The following TEX14 variants were observed in gnomAD, a reference collection of about 807,000 sequenced individuals.
The protein encoded by TEX14 is testis expressed 14, intercellular bridge forming factor.
Under a neutral mutation model 178.6 loss-of-function variants are expected in TEX14, and 168 were observed. The ratio of observed to expected loss-of-function variants is 0.94; its 90% confidence interval spans 0.83 to 1.07. TEX14 has a LOEUF of 1.07. Among genes scored for constraint, TEX14 ranks in the 50% least tolerant of loss-of-function variants. TEX14 has a pLI of 0.00. For missense variants in TEX14, 1,730 were observed against 1,753.6 expected (o/e 0.99, Z 0.24); for synonymous variants, 626 against 634.1 (o/e 0.99, Z 0.19).
At chr17:58,628,922 A>G (rs115745205) in intron 3 of TEX14, among the ~76,000 whole-genome samples, 3,533 of 152,086 alleles carry the variant, frequency 0.023, 139 homozygotes, top group African/African-American at 0.08. Context: ...TCCAATATCA[A>G]TAATTTAAGC....
At chr17:58,577,489 ATTT>A in intron 20 of TEX14, 33 bp from the exon 21 acceptor site, 1 of 751,986 alleles carries the variant, frequency 1.3e-6, no homozygotes, top group Non-Finnish European at 1.9e-6. Context: ...ATATATATAT[ATTT>A]TTTTTTACTG....
chr17:58,631,411 C>A (rs1187150219), intron 2 of TEX14, among the ~76,000 whole-genome samples: 3 of 152,184 alleles, frequency 2.0e-5, no homozygotes, highest in South Asian at 4.2e-4. Context: ...CGAAATTGTG[C>A]CATTGCACTC....
intron 1 of TEX14, among the ~76,000 whole-genome samples, chr17:58,675,082 G>A (rs1440187185): frequency 6.6e-6 from 1 of 151,710 alleles, no homozygotes; most frequent in Non-Finnish European, 1.5e-5. Flanking sequence ...GGAGGTGGAA[G>A]TTGCAGTGAG....
In TEX14 at chr17:58,581,684, A is replaced by G. The variant is rs777533596; in HGVS notation, c.3172-1953T>C. 5.6e-6 allele frequency: 9 copies of G among 1,613,552 alleles called. No homozygotes were observed. In the South Asian group the frequency reaches 7.7e-5, roughly 14 times the overall value. Reference sequence around the variant, plus strand: ...GTCTGGAGTTAAAAATTCATCTGTTATATCCTCAGAAGACTCTGGTGAACA... The same window carrying G: ...GTCTGGAGTTAAAAATTCATCTGTTGTATCCTCAGAAGACTCTGGTGAACA... On this transcript the variant is annotated intron_variant, in intron 19 of 31. Transcript: ENST00000349033.
chr17:58,561,697 AG>A (rs1174877367), intron 28 of TEX14, 85 bp from the exon 29 acceptor site: 1 of 890,126 alleles, frequency 1.1e-6, no homozygotes, highest in Non-Finnish European at 1.9e-6. Context: ...TAGAGTAGAA[AG>A]GGACCTTAAA....
intron 3 of TEX14, among the ~76,000 whole-genome samples, chr17:58,624,234 A>G (rs1407508235): frequency 1.3e-5 from 2 of 152,058 alleles, no homozygotes; most frequent in Non-Finnish European, 2.9e-5. Flanking sequence ...CAGAGCTTGC[A>G]GTGAGCCGAG....
chr17:58,568,261 A>C (rs1436220754), intron 26 of TEX14, among the ~76,000 whole-genome samples: 8 of 152,212 alleles, frequency 5.3e-5, no homozygotes, highest in Admixed American at 5.2e-4. Flanking sequence ...ATGGAAAAAG[A>C]AAGAAACCAA....
rs556933683 is a variant in TEX14 at position 58,648,850 on chromosome 17, C to T, written c.136+3016G>A. ...TGTTGCCCAGGCTGGAGTGCAGTGG[C>T]GTGATCTCGGATCACTGCAAGCTCC... On this transcript the variant is annotated intron_variant, in intron 2 of 31. Coordinates refer to ENST00000349033, the MANE Select transcript of TEX14 (RefSeq NM_031272.5). Among the ~76,000 whole-genome samples, 47 of 136,440 alleles carry T rather than the reference C, an allele frequency of 3.4e-4. 1 individual carries two copies. Among genetic ancestry groups the T allele is most frequent in the Non-Finnish European group, 6.1e-4 (40 of 66,060 alleles). The allele number at this position is 136,440 out of a possible 152,430, so 89.5% of individuals were successfully genotyped here.
At chr17:58,659,338 G>C in intron 1 of TEX14, 3 of 983,294 alleles carry the variant, frequency 3.1e-6, no homozygotes, top group Non-Finnish European at 3.6e-6. Flanking sequence ...CCTTACCATC[G>C]TCCTCAACAC....
chr17:58,586,878 G>A (rs1382007465), intron 17 of TEX14, among the ~76,000 whole-genome samples: 1 of 152,114 alleles, frequency 6.6e-6, no homozygotes, highest in Non-Finnish European at 1.5e-5. Context: ...GTGAACTAGT[G>A]TGTTGAAGTT....
intron 18 of TEX14, 100 bp from the exon 19 acceptor site, chr17:58,584,700 C>A (rs1331341569): frequency 2.1e-6 from 2 of 971,618 alleles, no homozygotes; most frequent in East Asian, 2.4e-5. Flanking sequence ...TATACATATT[C>A]TGCCAAGAGT....
chr17:58,617,615 G>C lies in TEX14; in HGVS notation c.559C>G (p.Pro187Ala). The C allele has an allele frequency of 6.2e-7, 1 of 1,609,920 alleles. No homozygotes were observed. The highest frequency in any genetic ancestry group is 1.1e-5 in the South Asian group (1 of 90,562). Residue 187 changes from proline (P) to alanine (A), a missense_variant, in exon 6 of 32, where the codon CCT becomes GCT. By Grantham distance (27) the Pro-to-Ala change is conservative (BLOSUM62 -1). Around this residue, in one of 2 missense-constraint regions of TEX14, gnomAD observed 789 missense variants for 681.2 expected, o/e 1.16. Coordinates refer to ENST00000349033, the MANE Select transcript of TEX14 (RefSeq NM_031272.5). ...AGCAGTCGGTTAGGAGAGCCATTAG[G>C]GTTTCTAGAAATATTTAAAACAGGA... The part of the protein sequence containing the change: ...SWCGGLVQGN[P>A]NGSPNRLLKA...
chr17:58,578,582 C>T (rs1284168181), intron 20 of TEX14, among the ~76,000 whole-genome samples: 4 of 152,112 alleles, frequency 2.6e-5, no homozygotes, highest in Non-Finnish European at 4.4e-5. Context: ...TTTTCACATA[C>T]TTCATGTGTC....
At chr17:58,559,586 A>T in intron 29 of TEX14, 24 bp from the exon 30 acceptor site, 1 of 1,123,688 alleles carries the variant, frequency 8.9e-7, no homozygotes, top group Non-Finnish European at 1.4e-6. Flanking sequence ...TATTTGGGGA[A>T]TCAAAACGTA....
chr17:58,596,191 T>A (rs189042955), intron 14 of TEX14, among the ~76,000 whole-genome samples: 2,884 of 146,954 alleles, frequency 0.02, 25 homozygotes, highest in Middle Eastern at 0.066. Flanking sequence ...TTTAAAAATT[T>A]AAAAAAAAAA....
intron 1 of TEX14, among the ~76,000 whole-genome samples, chr17:58,670,046 G>A (rs2047278920): frequency 6.6e-6 from 1 of 152,166 alleles, no homozygotes; most frequent in African/African-American, 2.4e-5. Flanking sequence ...CAGCCTCAGA[G>A]CCTTTGCCTG....
intron 1 of TEX14, among the ~76,000 whole-genome samples, chr17:58,671,244 G>C (rs934853160): frequency 3.3e-5 from 5 of 152,300 alleles, no homozygotes; most frequent in African/African-American, 1.2e-4. Flanking sequence ...GAATAGACTA[G>C]AGAGGGTTTC....
At chr17:58,684,143 T>C (rs2047551353) in intron 1 of TEX14, among the ~76,000 whole-genome samples, 1 of 151,232 alleles carries the variant, frequency 6.6e-6, no homozygotes, top group Non-Finnish European at 1.5e-5. Context: ...CTCAGAAAAT[T>C]AGGTCACAAC....
At chr17:58,682,107 T>C (rs1324158856) in intron 1 of TEX14, among the ~76,000 whole-genome samples, 1 of 150,780 alleles carries the variant, frequency 6.6e-6, no homozygotes, top group Non-Finnish European at 1.5e-5. Flanking sequence ...CACTACCATG[T>C]CTGGCTAACT....
Sources: allele counts gnomAD v4.1 joint callset (sites outside exome capture counted in the v4.1 genomes callset), GRCh38; gene constraint gnomAD v4.1.1; regional missense constraint gnomAD v4.1.1; transcripts MANE v1.5; gene names NCBI Gene and HGNC (gene_info 2026-07-23, HGNC 2026-07-21).